Variants in RNF103 observed in about 807,000 individuals in gnomAD.
RNF103 encodes the protein E3 ubiquitin-protein ligase RNF103.
A neutral mutation model predicts 66.2 loss-of-function variants in RNF103; 23 were observed. The ratio of observed to expected loss-of-function variants is 0.35; its 90% confidence interval spans 0.25 to 0.49. The LOEUF (loss-of-function observed/expected upper bound fraction) is 0.49, where lower values mean the gene tolerates loss of function less well. RNF103 is among the 20% of genes least tolerant of loss of function. RNF103 has a pLI of 0.98. For synonymous variants in RNF103, 297 were observed against 289.9 expected (o/e 1.02, Z -0.25); for missense variants, 730 against 814.7 (o/e 0.90, Z 1.27).
At chr2:86,621,223 C>T (rs1679215775) in intron 1 of RNF103, among the ~76,000 whole-genome samples, 1 of 151,962 alleles carries the variant, frequency 6.6e-6, no homozygotes, top group Non-Finnish European at 1.5e-5. Flanking sequence ...CTGGGCTGTG[C>T]GTCTTAAAGT....
chr2:86,619,107 C>T (rs990971674), intron 2 of RNF103, among the ~76,000 whole-genome samples: 3 of 152,132 alleles, frequency 2.0e-5, no homozygotes, highest in African/African-American at 4.8e-5. Context: ...GACTACAGTA[C>T]CATTTTATCC....
chr2:86,620,612 G>A, intron 1 of RNF103, 143 bp from the exon 2 acceptor site: 2 of 1,116,106 alleles, frequency 1.8e-6, no homozygotes, highest in Middle Eastern at 2.7e-4. Context: ...AGAAGAACCT[G>A]GATATACCCA....
chr2:86,623,455 G>A lies in RNF103; in HGVS notation c.-569C>T, dbSNP rs1033281094. 7.1e-6 allele frequency: 7 copies of A among 982,134 alleles called. No homozygotes were observed. The highest frequency in any genetic ancestry group is 8.4e-6 in the Non-Finnish European group (7 of 828,670). The allele number at this position is 982,134 out of a possible 1,614,324, so 60.8% of individuals were successfully genotyped here. A position where few individuals can be genotyped will look rare whatever the true frequency, so the allele number is the denominator to read the frequency against. On this transcript the variant is annotated 5_prime_UTR_variant, in exon 1 of 4. Transcript: ENST00000237455. The stretch of plus-strand genomic sequence containing the variant: ...GCCCGGGGCCCAGCGTGTTCTGCGC[G>A]GGGAGGAGCGGCCGCCGCAACGCCG...
At position 86,623,178 on chromosome 2, in the gene RNF103, G is replaced by A; in HGVS notation, c.-292C>T. The stretch of plus-strand genomic sequence containing the variant: ...TCAAAACCCCCATCCATTAAGCACA[G>A]AAAGGAGAGGGGCGCGGGGAGAGCT... On this transcript the variant is annotated 5_prime_UTR_variant, in exon 1 of 4. Coordinates refer to ENST00000237455, the MANE Select transcript of RNF103 (RefSeq NM_005667.4). 1 of 1,071,056 alleles carries A rather than the reference G, an allele frequency of 9.3e-7. No individual in the cohort carries two copies. The highest frequency in any genetic ancestry group is 1.1e-6 in the Non-Finnish European group (1 of 887,654). The allele number at this position is 1,071,056 out of a possible 1,614,324, so 66.3% of individuals were successfully genotyped here. A position where few individuals can be genotyped will look rare whatever the true frequency, so the allele number is the denominator to read the frequency against.
chr2:86,609,307 C>T (rs1678691930), intron 3 of RNF103, among the ~76,000 whole-genome samples: 2 of 152,088 alleles, frequency 1.3e-5, no homozygotes, highest in Non-Finnish European at 2.9e-5. Flanking sequence ...CAGATGCTGG[C>T]ACCATGGTTC....
intron 2 of RNF103, chr2:86,616,620 T>C (rs1361107054): frequency 1.0e-6 from 1 of 985,256 alleles, no homozygotes; most frequent in Non-Finnish European, 1.2e-6. Flanking sequence ...AAATCAGCTA[T>C]TAACTCTTGT....
At chr2:86,611,645 G>C (rs1310492691) in intron 3 of RNF103, among the ~76,000 whole-genome samples, 3 of 152,098 alleles carry the variant, frequency 2.0e-5, no homozygotes, top group African/African-American at 7.2e-5. Context: ...AAAAAGAAAG[G>C]TAGAAGGATA....
intron 1 of RNF103, 36 bp from the exon 2 acceptor site, chr2:86,620,505 C>G (rs1167521270): frequency 8.0e-6 from 12 of 1,496,374 alleles, no homozygotes; most frequent in Admixed American, 6.0e-5. Context: ...AATAAGGTTG[C>G]AAGAATCCTA....
rs112949640 is a variant in RNF103, at chr2:86,621,437, T to A, written c.227-968A>T. 3.2e-3 allele frequency among the ~76,000 whole-genome samples: 484 copies of A among 152,284 alleles called. 3 individuals are homozygous for A. The highest frequency in any genetic ancestry group is 0.011 in the African/African-American group (458 of 41,566). On this transcript the variant is annotated intron_variant, in intron 1 of 3. Coordinates refer to ENST00000237455, the MANE Select transcript of RNF103 (RefSeq NM_005667.4). The stretch of plus-strand genomic sequence containing the variant: ...AGATCTTTTACCCTAGTTACTCCAC[T>A]TCTTCCCCCTATGGTAGAAATAAGA...
intron 2 of RNF103, 85 bp from the exon 3 acceptor site, chr2:86,612,359 T>C: frequency 1.4e-6 from 1 of 730,052 alleles, no homozygotes; most frequent in South Asian, 1.7e-5. Flanking sequence ...ATAATTTCAC[T>C]TAAAAAAAAA....
Position 86,604,781 on chromosome 2 carries a change from C to T in RNF103, c.1120G>A (p.Val374Met). 1 of 1,614,072 alleles carries T rather than the reference C, an allele frequency of 6.2e-7. No homozygotes were observed. Among genetic ancestry groups the T allele is most frequent in the African/African-American group, 1.3e-5 (1 of 75,026 alleles). ...NSLLIISWLP[V>M]LGFLQLPYLD... ...TAAGGTAGCTGTAAAAAGCCCAACA[C>T]AGGTAGCCAGGAAATAATTAATAGA... Residue 374 changes from valine to methionine, a missense_variant, in exon 4 of 4, where the codon GTG becomes ATG. Coordinates refer to ENST00000237455, the MANE Select transcript of RNF103 (RefSeq NM_005667.4).
intron 3 of RNF103, among the ~76,000 whole-genome samples, chr2:86,610,169 A>G (rs1214536762): frequency 1.3e-5 from 2 of 152,236 alleles, no homozygotes; most frequent in African/African-American, 4.8e-5. Context: ...TTTTCTGATG[A>G]AGCTGAGTAG....
chr2:86,606,970 T>C (rs140385076), intron 3 of RNF103, among the ~76,000 whole-genome samples: 1 of 152,034 alleles, frequency 6.6e-6, no homozygotes, highest in African/African-American at 2.4e-5. Context: ...TTTTGTAGAG[T>C]TGGGGTCTCA....
Position 86,605,144 on chromosome 2 carries a change from G to C in RNF103, c.757C>G (p.Leu253Val), listed in dbSNP as rs539733260. ...LDQPPAFFSA[L>V]SIKFTGRVEF... is the part of the protein sequence containing the mutation. ...ACTCTTCCAGTAAACTTTATACTTA[G>C]TGCAGAGAAGAAAGCTGGGGGCTGG... is the stretch of plus-strand genomic sequence containing the variant. The change falls in exon 4 of 4, where the codon CTA (leucine) becomes GTA (valine). Residue 253 changes from leucine (L) to valine (V), a missense_variant. By Grantham distance (32) the Leu-to-Val change is conservative. Around this residue, in one of 3 missense-constraint regions of RNF103, gnomAD observed 327 missense variants for 369.8 expected, o/e 0.88. Transcript: ENST00000237455. 1.9e-6 allele frequency: 3 copies of C among 1,613,756 alleles called. No homozygotes were observed. Among genetic ancestry groups the C allele is most frequent in the Non-Finnish European group, 2.5e-6 (3 of 1,180,024 alleles).
Position 86,622,919 on chromosome 2 carries a change from T to G in RNF103, c.-33A>C. On this transcript the variant is annotated 5_prime_UTR_variant, in exon 1 of 4. Transcript: ENST00000237455. ...GGAGTTTCCTCTCTTTCCAGAGAGCTCGGAATACGGGAGAGAGAAGGGTCG... is the reference window on the plus strand; with the variant it reads ...GGAGTTTCCTCTCTTTCCAGAGAGCGCGGAATACGGGAGAGAGAAGGGTCG... The G allele has an allele frequency of 6.4e-7, 1 of 1,558,604 alleles. No individual in the cohort carries two copies. The highest frequency in any genetic ancestry group is 1.2e-5 in the South Asian group (1 of 85,116).
chr2:86,623,097 C>A lies in RNF103; in HGVS notation c.-211G>T. 1 of 1,264,596 alleles carries A rather than the reference C, an allele frequency of 7.9e-7. No individual in the cohort carries two copies. 78.3% of individuals were successfully genotyped at this position (1,264,596 alleles called of 1,614,324 possible). ...GGCGGCGACGAGGGACGCAGAGACG[C>A]AGAGCCTCGCGCCGGGCCTCCCAGT... On this transcript the variant is annotated 5_prime_UTR_variant, in exon 1 of 4. Coordinates refer to ENST00000237455, the MANE Select transcript of RNF103 (RefSeq NM_005667.4).
rs11695337 is a variant in RNF103, at chr2:86,604,025, C to G, written c.1876G>C (p.Glu626Gln). 3 of 1,613,998 alleles carry G rather than the reference C, an allele frequency of 1.9e-6. No individual in the cohort carries two copies. In the African/African-American group the frequency reaches 4.0e-5, roughly 22 times the overall value. The change falls in exon 4 of 4, where the codon GAG becomes CAG. Residue 626 changes from glutamate to glutamine, a missense_variant. Coordinates refer to ENST00000237455, the MANE Select transcript of RNF103 (RefSeq NM_005667.4). ...AGCAAACATCCATTTTCAAAATTCT[C>G]TAGGCAAACAACACATTCAGTACAG... is the stretch of plus-strand genomic sequence containing the variant. Reference protein sequence around the residue: ...LHCTECVVCLENFENGCLLMG... With the variant: ...LHCTECVVCLQNFENGCLLMG...
rs377633755 is a variant in RNF103, at chr2:86,612,147, T to G, written c.482+12A>C. Reference sequence around the variant, plus strand: ...CAGGACTCAAATTCTAAGAATTGCCTAATCAACTTACCTGGGATCACTGGA... The same window carrying G: ...CAGGACTCAAATTCTAAGAATTGCCGAATCAACTTACCTGGGATCACTGGA... On this transcript the variant is annotated intron_variant, in intron 3 of 3. Transcript: ENST00000237455. 6.4e-5 allele frequency: 101 copies of G among 1,572,106 alleles called. 2 individuals carry two copies. The highest frequency in any genetic ancestry group is 5.4e-4 in the South Asian group (47 of 87,290).
At chr2:86,619,672 T>C (rs529577953) in intron 2 of RNF103, among the ~76,000 whole-genome samples, 1 of 152,344 alleles carries the variant, frequency 6.6e-6, no homozygotes, top group South Asian at 2.1e-4. Context: ...TTAAAATATG[T>C]AAATGATAAT....
Sources: gnomAD v4.1 joint callset for allele counts (sites outside exome capture counted in the v4.1 genomes callset) on GRCh38, gnomAD v4.1.1 for gene constraint, gnomAD v4.1.1 regional missense constraint, MANE v1.5 for transcripts, NCBI Gene and HGNC (gene_info 2026-07-23, HGNC 2026-07-21) for gene names.